SORL1-AS1: variants seen among roughly 807,000 people sequenced by gnomAD.
SORL1-AS1 encodes lncRNA 51 A.
In SORL1-AS1 at chr11:121,452,518, C is replaced by T. The variant is rs1591539651; in HGVS notation, n.339+157G>A. The T allele has an allele frequency of 6.8e-7, 1 of 1,478,024 alleles. No individual in the cohort carries two copies. The highest frequency in any genetic ancestry group is 8.9e-7 in the Non-Finnish European group (1 of 1,119,300). The allele number at this position is 1,478,024 out of a possible 1,614,324, so 91.6% of individuals were successfully genotyped here. ...CCCGCGCGAGCTGCGGCTGTGGGCG[C>T]GCGGGGATGCCAGGGGGGCGAGCCG... On this transcript the variant is annotated intron_variant and non_coding_transcript_variant, in intron 1 of 1. Transcript: ENST00000501964. The surrounding 1 kb of genome is among the most constrained non-coding windows in gnomAD (Gnocchi z 5.3).
At chr11:121,449,031 C>G (rs1358640874) in exon 2 of SORL1-AS1, 1 of 152,130 alleles carries the variant, frequency 6.6e-6, no homozygotes, top group Non-Finnish European at 1.5e-5. Flanking sequence ...CGTGGCTGTC[C>G]TTGCTGCTAT....
chr11:121,444,095 GGT>G (rs67118053), downstream of SORL1-AS1, among the ~76,000 whole-genome samples: 24,795 of 150,998 alleles, frequency 0.16, 2,091 homozygotes, highest in African/African-American at 0.19. Context: ...TGTGCGCGTG[GGT>G]GTGTGTGTGT....
downstream of SORL1-AS1, among the ~76,000 whole-genome samples, chr11:121,442,641 TTTTATTTA>T (rs369945985): frequency 0.011 from 1,348 of 127,570 alleles, 14 homozygotes; most frequent in African/African-American, 0.026. Context: ...TCTCTCTCTC[TTTTATTTA>T]TTTATTTATT....
At chr11:121,446,387 GA>G (rs1860724938), downstream of SORL1-AS1, among the ~76,000 whole-genome samples, 2 of 152,182 alleles carry the variant, frequency 1.3e-5, no homozygotes, top group Non-Finnish European at 2.9e-5. Context: ...AACAAGGCCA[GA>G]GGGGAGAGCA....
rs780503121 is a variant in SORL1-AS1, at chr11:121,452,565, G to A, written n.339+110C>T. 4.6e-6 allele frequency: 7 copies of A among 1,517,448 alleles called. No homozygotes were observed. Among genetic ancestry groups the A allele is most frequent in the Non-Finnish European group, 5.3e-6 (6 of 1,140,346 alleles). 94.0% of individuals were successfully genotyped at this position (1,517,448 alleles called of 1,614,324 possible). On this transcript the variant is annotated intron_variant and non_coding_transcript_variant, in intron 1 of 1. Coordinates refer to ENST00000501964, the Ensembl canonical transcript of SORL1-AS1. The surrounding 1 kb of genome is among the most constrained non-coding windows in gnomAD (Gnocchi z 5.3). ...GCCGCGCGGACGAGAAGCCGCTCCG[G>A]AGGAAACGGAGCGCTGCCCTGCAGC...
At position 121,450,919 on chromosome 11, in the gene SORL1-AS1, G is replaced by A. The variant is rs143528933; in HGVS notation, n.340-1020C>T. Among the ~76,000 whole-genome samples, 1 of 152,156 alleles carries A rather than the reference G, an allele frequency of 6.6e-6. No individual in the cohort carries two copies. Among genetic ancestry groups the A allele is most frequent in the Non-Finnish European group, 1.5e-5 (1 of 68,010 alleles). ...GGCTTCAGGGAGATGAGGCAAGCTG[G>A]CCTGACTCTGGCAGGTTGTCAGTGG... On this transcript the variant is annotated intron_variant and non_coding_transcript_variant, in intron 1 of 1. Coordinates refer to ENST00000501964, the Ensembl canonical transcript of SORL1-AS1. This position sits in a 1 kb window ranked among gnomAD's most constrained non-coding sequence, Gnocchi z 5.2.
chr11:121,445,606 G>A (rs572552889), downstream of SORL1-AS1, among the ~76,000 whole-genome samples: 51 of 151,848 alleles, frequency 3.4e-4, no homozygotes, highest in African/African-American at 1.2e-3. Flanking sequence ...CTCCTCAGAC[G>A]CTGAAAATAA....
At chr11:121,442,640 C>CTTTT (rs1476737021), downstream of SORL1-AS1, among the ~76,000 whole-genome samples, 9 of 133,690 alleles carry the variant, frequency 6.7e-5, no homozygotes, top group Middle Eastern at 3.7e-3. Flanking sequence ...GTCTCTCTCT[C>CTTTT]TTTTATTTAT....
chr11:121,451,237 G>C (rs1299557100), intron 1 of SORL1-AS1, among the ~76,000 whole-genome samples: 1 of 152,180 alleles, frequency 6.6e-6, no homozygotes, highest in Admixed American at 6.5e-5. Flanking sequence ...GACTTTGGCT[G>C]CTCCCACTAA....
downstream of SORL1-AS1, among the ~76,000 whole-genome samples, chr11:121,446,604 A>G (rs372877179): frequency 3.5e-4 from 53 of 152,234 alleles, no homozygotes; most frequent in South Asian, 8.9e-3. Flanking sequence ...TACAAAAATT[A>G]GCCAGGTGTG....
At chr11:121,440,787 G>A in the SORL1-AS1 span, among the ~76,000 whole-genome samples, 2 of 152,132 alleles carry the variant, frequency 1.3e-5, no homozygotes, top group Non-Finnish European at 2.9e-5. Flanking sequence ...TTGTCCAGTC[G>A]CATTTCTACG....
In SORL1-AS1 at chr11:121,452,483, T is replaced by G. The variant is rs1860816646; in HGVS notation, n.339+192A>C. On this transcript the variant is annotated intron_variant and non_coding_transcript_variant, in intron 1 of 1. Transcript: ENST00000501964. The surrounding 1 kb of genome is among the most constrained non-coding windows in gnomAD (Gnocchi z 5.3). ...CCCCAGGACCGGGGCTTCCTCGTGGTGCAGGGCGACCCGCGCGAGCTGCGG... is the reference window on the plus strand; with the variant it reads ...CCCCAGGACCGGGGCTTCCTCGTGGGGCAGGGCGACCCGCGCGAGCTGCGG... The G allele has an allele frequency of 6.7e-7, 1 of 1,496,476 alleles. No individual in the cohort carries two copies. The highest frequency in any genetic ancestry group is 1.5e-5 in the African/African-American group (1 of 68,660). 92.7% of individuals were successfully genotyped at this position (1,496,476 alleles called of 1,614,324 possible).
chr11:121,447,248 G>C (rs1463357255), downstream of SORL1-AS1: 1 of 151,720 alleles, frequency 6.6e-6, no homozygotes, highest in Non-Finnish European at 1.5e-5. Context: ...AGAAGTTCAG[G>C]AAGTTGAGTT....
In SORL1-AS1 at chr11:121,452,195, C is replaced by T; in HGVS notation, n.339+480G>A. 1 of 368,548 alleles carries T rather than the reference C, an allele frequency of 2.7e-6. No homozygotes were observed. The highest frequency in any genetic ancestry group is 3.8e-6 in the Non-Finnish European group (1 of 265,964). The allele number at this position is 368,548 out of a possible 1,614,324, so 22.8% of individuals were successfully genotyped here. Reference sequence around the variant, plus strand: ...CTGGCGGCAGCGGCGGCGGGCGCAGCGGGGCGGCCCGGAGCGGCGCGGGCG... The same window carrying T: ...CTGGCGGCAGCGGCGGCGGGCGCAGTGGGGCGGCCCGGAGCGGCGCGGGCG... On this transcript the variant is annotated intron_variant and non_coding_transcript_variant, in intron 1 of 1. Coordinates refer to ENST00000501964, the Ensembl canonical transcript of SORL1-AS1. The surrounding 1 kb of genome is among the most constrained non-coding windows in gnomAD (Gnocchi z 5.3).
exon 2 of SORL1-AS1, chr11:121,448,260 T>G (rs1320447667): frequency 1.3e-5 from 2 of 152,246 alleles, no homozygotes; most frequent in Non-Finnish European, 2.9e-5. Flanking sequence ...TAATCAAGAG[T>G]GAGAATATAA....
At chr11:121,441,250 G>A in the SORL1-AS1 span, among the ~76,000 whole-genome samples, 3 of 151,834 alleles carry the variant, frequency 2.0e-5, no homozygotes, top group South Asian at 4.2e-4. Flanking sequence ...TTGGCCAGGC[G>A]CTGTGGCTCA....
At chr11:121,441,534 A>AAAAAAAAAAT in the SORL1-AS1 span, among the ~76,000 whole-genome samples, 1 of 149,632 alleles carries the variant, frequency 6.7e-6, no homozygotes, top group South Asian at 2.1e-4. Context: ...CTGTCTCAAA[A>AAAAAAAAAAT]AAAAAAAAAA....
downstream of SORL1-AS1, among the ~76,000 whole-genome samples, chr11:121,444,120 CAGAG>C (rs897706739): frequency 2.0e-5 from 3 of 151,144 alleles, no homozygotes; most frequent in African/African-American, 4.9e-5. Flanking sequence ...GTCTGTGTGT[CAGAG>C]AGAAAGAGAG....
downstream of SORL1-AS1, among the ~76,000 whole-genome samples, chr11:121,443,981 T>G (rs150216052): frequency 0.024 from 3,608 of 152,188 alleles, 54 homozygotes; most frequent in Non-Finnish European, 0.037. Flanking sequence ...CTCCATCTGT[T>G]TGGGGTCTAG....
Sources: gnomAD v4.1 joint callset for allele counts (sites outside exome capture counted in the v4.1 genomes callset) on GRCh38, gnomAD v4.1.1 for gene constraint, Gnocchi (gnomAD v3.1) non-coding constraint, MANE v1.5 for transcripts, NCBI Gene and HGNC (gene_info 2026-07-23, HGNC 2026-07-21) for gene names.